The following SRPX2 variants were observed in gnomAD, a reference collection of about 807,000 sequenced individuals.
SRPX2 encodes the protein sushi repeat-containing protein SRPX2.
SRPX2 carries 26 observed loss-of-function variants against 45.3 expected under a neutral mutation model. The ratio of observed to expected loss-of-function variants is 0.57; its 90% CI spans 0.42 to 0.80. SRPX2 has a LOEUF of 0.80. Ranked by LOEUF, SRPX2 falls within the 30% of genes least tolerant of loss-of-function variation. The pLI is 0.00. For missense variants in SRPX2, 355 were observed against 399.8 expected (o/e 0.89, Z 0.95); for synonymous variants, 125 against 143.7 (o/e 0.87, Z 0.93).
intron 7 of SRPX2, among the ~76,000 whole-genome samples, chrX:100,666,221 T>C (rs1383030740): frequency 1.8e-5 from 2 of 112,566 alleles, no homozygotes; most frequent in Non-Finnish European, 3.7e-5. Flanking sequence ...AAAAAATATA[T>C]AGTTGAGATT....
At chrX:100,668,536 G>A (rs2083212468) in intron 9 of SRPX2, among the ~76,000 whole-genome samples, 1 of 110,648 alleles carries the variant, frequency 9.0e-6, no homozygotes. Context: ...ATGAAACAGA[G>A]GTGGGGTGCC....
chrX:100,667,015 A>G (rs1384832965), intron 8 of SRPX2, 82 bp downstream of exon 8: 11 of 1,116,473 alleles, frequency 9.9e-6, no homozygotes, highest in Non-Finnish European at 1.3e-5. Flanking sequence ...CAGGGGTCCA[A>G]TAACAATGTA....
chrX:100,657,539 C>A (rs770400388), intron 3 of SRPX2, among the ~76,000 whole-genome samples: 3 of 105,828 alleles, frequency 2.8e-5, no homozygotes, highest in Non-Finnish European at 5.8e-5. Context: ...TTAGTAGAGA[C>A]GGGATTTCAT....
intron 3 of SRPX2, among the ~76,000 whole-genome samples, chrX:100,661,933 G>GTTTT (rs771852530): frequency 2.3e-4 from 14 of 59,706 alleles, no homozygotes; most frequent in East Asian, 1.6e-3. Flanking sequence ...TCGAGGTGGG[G>GTTTT]TTTTTTTTTT....
At chrX:100,669,498 T>C (rs977027935) in intron 10 of SRPX2, 129 bp downstream of exon 10, 3 of 638,026 alleles carry the variant, frequency 4.7e-6, no homozygotes, top group Non-Finnish European at 7.4e-6. Context: ...CGGCACTTCT[T>C]GCGTTTGAAC....
In SRPX2 at chrX:100,673,259, G is replaced by A. The variant is rs2083236622; in HGVS notation, c.*2272G>A. On this transcript the variant is annotated 3_prime_UTR_variant, in exon 11 of 11. Transcript: ENST00000373004. ...TACCTCCTGAACAGAGCTCCACCTG[G>A]ACCTGACTCAAGGAACATTTATATG... 8.9e-6 allele frequency: 1 copy of A among 112,364 alleles called. No individual in the cohort carries two copies. Among genetic ancestry groups the A allele is most frequent in the Admixed American group, 9.4e-5 (1 of 10,655 alleles). 9.3% of individuals were successfully genotyped at this position (112,364 alleles called of 1,213,427 possible).
intron 3 of SRPX2, among the ~76,000 whole-genome samples, chrX:100,655,522 A>G (rs1235706857): frequency 9.0e-6 from 1 of 111,542 alleles, no homozygotes; most frequent in Non-Finnish European, 1.9e-5. Flanking sequence ...GTTTACTTCA[A>G]AATAGTAGCC....
intron 3 of SRPX2, chrX:100,660,996 G>A (rs2083185486): frequency 1.8e-5 from 2 of 112,619 alleles, no homozygotes; most frequent in Non-Finnish European, 3.8e-5. Flanking sequence ...ACCTTTAAGT[G>A]GGATTGCAGA....
rs1055891726 is a variant in SRPX2 at position 100,673,832 on chromosome X, A to C, written c.*2845A>C. On this transcript the variant is annotated 3_prime_UTR_variant, in exon 11 of 11. Transcript: ENST00000373004. Reference sequence around the variant, plus strand: ...ACTCTGTCACGTGACAGTAGGCTTGAGTTTCCTCATCTGTAAAAAGGGAAG... The same window carrying C: ...ACTCTGTCACGTGACAGTAGGCTTGCGTTTCCTCATCTGTAAAAAGGGAAG... 1.8e-5 allele frequency: 2 copies of C among 112,120 alleles called. No individual in the cohort carries two copies. Among genetic ancestry groups the C allele is most frequent in the African/African-American group, 3.2e-5 (1 of 30,863 alleles). The allele number at this position is 112,120 out of a possible 1,213,427, so 9.2% of individuals were successfully genotyped here.
chrX:100,672,373 G>A lies in SRPX2; in HGVS notation c.*1386G>A, dbSNP rs895742475. 1 of 112,384 alleles carries A rather than the reference G, an allele frequency of 8.9e-6. No individual in the cohort carries two copies. The highest frequency in any genetic ancestry group is 3.2e-5 in the African/African-American group (1 of 30,869). The allele number at this position is 112,384 out of a possible 1,213,427, so 9.3% of individuals were successfully genotyped here. ...ATGACTTGAGGGGAGAAGGAAGCAG[G>A]CTGGGTGGGGAGGCAGAGCTCATAA... On this transcript the variant is annotated 3_prime_UTR_variant, in exon 11 of 11. Transcript: ENST00000373004.
chrX:100,667,502 A>G, intron 9 of SRPX2, 95 bp downstream of exon 9: 1 of 1,039,725 alleles, frequency 9.6e-7, no homozygotes, highest in Non-Finnish European at 1.3e-6. Context: ...AACCTTACCT[A>G]CTTCCTGAAA....
intron 10 of SRPX2, 86 bp downstream of exon 10, chrX:100,669,455 A>C: frequency 1.1e-6 from 1 of 921,814 alleles, no homozygotes; most frequent in South Asian, 2.2e-5. Flanking sequence ...GCAAAAGCGG[A>C]CTATGGGGAA....
chrX:100,670,055 A>C (rs1362180064), intron 10 of SRPX2, among the ~76,000 whole-genome samples: 3 of 111,621 alleles, frequency 2.7e-5, no homozygotes, highest in African/African-American at 9.8e-5. Context: ...TACAGGCATG[A>C]GCCACCATGC....
In SRPX2 at chrX:100,650,856, G is replaced by C; in HGVS notation, c.154G>C (p.Asp52His). The change falls in exon 3 of 11, where the codon GAC becomes CAC. Residue 52 changes from aspartate (D) to histidine (H), a missense_variant. By Grantham distance (81) the Asp-to-His change is moderately conservative (BLOSUM62 -1). Transcript: ENST00000373004. ...AEEVPQAPALDYRVPRWCYTL... is the reference protein window; with the variant it reads ...AEEVPQAPALHYRVPRWCYTL... ...GGAGGTCCCACAGGCTCCTGCCCTG[G>C]ACTACCGAGGTAATCTACCCTGCTT... 1 of 1,207,256 alleles carries C rather than the reference G, an allele frequency of 8.3e-7. No homozygotes were observed. Among genetic ancestry groups the C allele is most frequent in the Non-Finnish European group, 1.1e-6 (1 of 891,830 alleles).
rs182041986 is a variant in SRPX2 at position 100,669,405 on chromosome X, G to C, written c.1217+36G>C. ...GGAGGCTGCCAAACTTGGGGGGAGG[G>C]GGGGCTGGGGCGGGGGGAGAAACCC... On this transcript the variant is annotated intron_variant, in intron 10 of 10. Coordinates refer to ENST00000373004, the MANE Select transcript of SRPX2 (RefSeq NM_014467.3). 3,624 of 601,884 alleles carry C rather than the reference G, an allele frequency of 6.0e-3. 129 individuals are homozygous for C. In the African/African-American group the frequency reaches 0.082, roughly 14 times the overall value. 49.6% of individuals were successfully genotyped at this position (601,884 alleles called of 1,213,427 possible).
At chrX:100,646,641 G>T (rs2083136371) in intron 2 of SRPX2, among the ~76,000 whole-genome samples, 1 of 112,050 alleles carries the variant, frequency 8.9e-6, no homozygotes, top group African/African-American at 3.2e-5. Flanking sequence ...ACATGAGAAG[G>T]TTGGACATCA....
chrX:100,658,285 T>C (rs2083177006), intron 3 of SRPX2, among the ~76,000 whole-genome samples: 1 of 112,094 alleles, frequency 8.9e-6, no homozygotes, highest in Admixed American at 9.5e-5. Flanking sequence ...AGTAAATTTT[T>C]GGATATGAGA....
At chrX:100,667,006 A>G in intron 8 of SRPX2, 73 bp downstream of exon 8, 1 of 1,140,973 alleles carries the variant, frequency 8.8e-7, no homozygotes, top group Non-Finnish European at 1.2e-6. Flanking sequence ...CCTCATGGAC[A>G]GGGGTCCAAT....
chrX:100,661,871 C>T (rs1377712259), intron 3 of SRPX2, among the ~76,000 whole-genome samples: 4 of 105,726 alleles, frequency 3.8e-5, no homozygotes, highest in Non-Finnish European at 5.8e-5. Context: ...CCTGTTTTTT[C>T]AAGTCCATGA....
Sources: gnomAD v4.1 joint callset for allele counts (sites outside exome capture counted in the v4.1 genomes callset) on GRCh38, gnomAD v4.1.1 for gene constraint, MANE v1.5 for transcripts, NCBI Gene and HGNC (gene_info 2026-07-23, HGNC 2026-07-21) for gene names.